Variants in FAP observed in about 807,000 individuals in gnomAD.
The protein encoded by FAP is fibroblast activation protein alpha.
A neutral mutation model predicts 126.5 loss-of-function variants in FAP; 110 were observed. The observed-to-expected ratio is 0.87, with a 90% CI of 0.74 to 1.02. The LOEUF is 1.02. Among genes scored for constraint, FAP ranks in the 50% least tolerant of loss-of-function variants. FAP has a pLI of 0.00. For synonymous variants in FAP, 334 were observed against 297.3 expected (o/e 1.12, Z -1.27); for missense variants, 919 against 909.2 (o/e 1.01, Z -0.14).
intron 9 of FAP, among the ~76,000 whole-genome samples, chr2:162,217,228 G>A (rs1391725287): frequency 6.6e-6 from 1 of 152,084 alleles, no homozygotes; most frequent in Non-Finnish European, 1.5e-5. Context: ...TATTCCCCTT[G>A]GCAAGTAAAA....
rs554270308 is a variant in FAP, at chr2:162,173,442, T to TGAGTG, written c.2035-226_2035-222dup. 1.4e-4 allele frequency among the ~76,000 whole-genome samples: 21 copies of TGAGTG among 152,112 alleles called. No individual in the cohort carries two copies. In the East Asian group the frequency reaches 3.7e-3, roughly 27 times the overall value. On this transcript the variant is annotated intron_variant, in intron 23 of 25. Transcript: ENST00000188790. Reference sequence around the variant, plus strand: ...AAGTTTATGTGTCATATGTTACATATGAGTGAGACCTTAGGCATAAATGAT... The same window carrying TGAGTG: ...AAGTTTATGTGTCATATGTTACATATGAGTGGAGTGAGACCTTAGGCATAAATGAT...
chr2:162,186,576 C>T (rs560168640), intron 20 of FAP, among the ~76,000 whole-genome samples: 6 of 151,984 alleles, frequency 3.9e-5, no homozygotes, highest in Admixed American at 6.6e-5. Context: ...TGGTGGGTTG[C>T]GATGATGACG....
chr2:162,202,988 G>A (rs1378103980), intron 13 of FAP, 46 bp from the exon 14 acceptor site: 1 of 1,598,598 alleles, frequency 6.3e-7, no homozygotes, highest in Non-Finnish European at 8.6e-7. Context: ...AGCGTTATTT[G>A]AGCAACCTCA....
chr2:162,210,018 C>A (rs181760422), intron 11 of FAP, 22 bp from the exon 12 acceptor site: 4 of 1,607,322 alleles, frequency 2.5e-6, no homozygotes, highest in Non-Finnish European at 3.4e-6. Context: ...AAGATCACAT[C>A]GAACATAGTA....
chr2:162,180,077 G>C (rs1406435602), intron 21 of FAP, among the ~76,000 whole-genome samples: 1 of 151,924 alleles, frequency 6.6e-6, no homozygotes, highest in Non-Finnish European at 1.5e-5. Context: ...AAAGTACTGG[G>C]ATTACAGGCA....
intron 15 of FAP, 46 bp from the exon 16 acceptor site, chr2:162,198,927 A>C: frequency 6.4e-7 from 1 of 1,556,550 alleles, no homozygotes; most frequent in South Asian, 1.1e-5. Context: ...TTGAGATTGT[A>C]TTTATCAAAA....
chr2:162,198,498 T>C (rs947073910), intron 16 of FAP: 9 of 686,324 alleles, frequency 1.3e-5, no homozygotes, highest in Non-Finnish European at 2.0e-5. Flanking sequence ...CTTGCTTCAG[T>C]CCTGGCTGAT....
chr2:162,219,683 G>A (rs927169822), intron 7 of FAP, among the ~76,000 whole-genome samples, 170 bp downstream of exon 7: 1 of 152,034 alleles, frequency 6.6e-6, no homozygotes, highest in Non-Finnish European at 1.5e-5. Flanking sequence ...GAGATTTTGC[G>A]GAATTCTCAG....
At chr2:162,173,664 T>C in intron 23 of FAP, 59 bp downstream of exon 23, 1 of 1,163,278 alleles carries the variant, frequency 8.6e-7, no homozygotes, top group South Asian at 1.3e-5. Flanking sequence ...ACTACTGCTT[T>C]TAAGTTATTT....
chr2:162,204,164 C>T (rs746075096), intron 12 of FAP, among the ~76,000 whole-genome samples: 2 of 152,196 alleles, frequency 1.3e-5, no homozygotes, highest in South Asian at 4.1e-4. Flanking sequence ...AAGACCTATC[C>T]TGGTGAGACC....
intron 25 of FAP, chr2:162,172,339 C>A (rs1687337743): frequency 6.5e-6 from 1 of 154,132 alleles, no homozygotes; most frequent in Admixed American, 6.4e-5. Context: ...CAGGTGTATG[C>A]CAGGGGATGA....
In FAP at chr2:162,179,708, A is replaced by G. The variant is rs112011096; in HGVS notation, c.1869+3706T>C. 3.1e-3 allele frequency among the ~76,000 whole-genome samples: 476 copies of G among 152,052 alleles called. 3 individuals are homozygous for G. The highest frequency in any genetic ancestry group is 0.011 in the African/African-American group (460 of 41,500). On this transcript the variant is annotated intron_variant, in intron 21 of 25. Transcript: ENST00000188790. ...TGGGGAATGGAAGAAGAGAATGGAC[A>G]TTGCAGATGCGAGAAATAGCATGTA...
intron 4 of FAP, among the ~76,000 whole-genome samples, chr2:162,225,027 C>T (rs2106285442): frequency 6.6e-6 from 1 of 152,256 alleles, no homozygotes; most frequent in East Asian, 1.9e-4. Flanking sequence ...TTATTAAGCA[C>T]TTATTCTATG....
At chr2:162,184,418 G>A (rs1379446786) in intron 20 of FAP, among the ~76,000 whole-genome samples, 2 of 152,222 alleles carry the variant, frequency 1.3e-5, no homozygotes, top group African/African-American at 4.8e-5. Flanking sequence ...TCTGGAAGTA[G>A]AACTGAGTGA....
rs535854571 is a variant in FAP at position 162,242,657 on chromosome 2, G to T, written c.91+251C>A. On this transcript the variant is annotated intron_variant, in intron 2 of 25. Transcript: ENST00000188790. The stretch of plus-strand genomic sequence containing the variant: ...ATATATTTTTGGGGGTTGTGGGGGT[G>T]ATGCAGCATAGTTCTTAGGTTTTTC... Among the ~76,000 whole-genome samples the T allele has an allele frequency of 3.9e-5, 6 of 152,256 alleles. No homozygotes were observed. In the South Asian group the frequency reaches 1.2e-3, roughly 32 times the overall value.
chr2:162,173,643 G>A lies in FAP; in HGVS notation c.2034+80C>T, dbSNP rs569700350. On this transcript the variant is annotated intron_variant, in intron 23 of 25. Coordinates refer to ENST00000188790, the MANE Select transcript of FAP (RefSeq NM_004460.5). ...TGCTTGGGGGCCCAGAATTAAAACTGTAAATTCTGAACTACTGCTTTTAAG... is the reference window on the plus strand; with the variant it reads ...TGCTTGGGGGCCCAGAATTAAAACTATAAATTCTGAACTACTGCTTTTAAG... The A allele has an allele frequency of 4.1e-5, 40 of 982,548 alleles. No homozygotes were observed. The African/African-American group carries it at 4.5e-4, about 11-fold the overall frequency. 60.9% of individuals were successfully genotyped at this position (982,548 alleles called of 1,614,324 possible). A position where few individuals can be genotyped will look rare whatever the true frequency, so the allele number is the denominator to read the frequency against.
Position 162,173,782 on chromosome 2 carries a change from C to T in FAP, c.1975G>A (p.Val659Ile). The stretch of plus-strand genomic sequence containing the variant: ...AGACCCATGAATCTCTCTGTGTAGA[C>T]AGACGCTATAAAATATATGAGAATA... ...PVSSWEYYAS[V>I]YTERFMGLPT... Residue 659 changes from valine to isoleucine, a missense_variant, in exon 23 of 26, where the codon GTC (valine) becomes ATC (isoleucine). Coordinates refer to ENST00000188790, the MANE Select transcript of FAP (RefSeq NM_004460.5). 1.3e-6 allele frequency: 2 copies of T among 1,595,476 alleles called. No homozygotes were observed. Among genetic ancestry groups the T allele is most frequent in the Non-Finnish European group, 1.7e-6 (2 of 1,163,496 alleles).
chr2:162,224,345 G>A (rs554947662), intron 5 of FAP, 121 bp downstream of exon 5: 9 of 617,826 alleles, frequency 1.5e-5, no homozygotes, highest in Non-Finnish European at 2.6e-5. Context: ...AAGATTATTG[G>A]TGACGAGGGC....
chr2:162,174,483 C>T (rs940200183), intron 22 of FAP, among the ~76,000 whole-genome samples: 2 of 152,110 alleles, frequency 1.3e-5, no homozygotes, highest in Non-Finnish European at 2.9e-5. Flanking sequence ...CTGGCAATTG[C>T]TAACTGTGGC....
Sources: allele counts gnomAD v4.1 joint callset (sites outside exome capture counted in the v4.1 genomes callset), GRCh38; gene constraint gnomAD v4.1.1; transcripts MANE v1.5; gene names NCBI Gene and HGNC (gene_info 2026-07-23, HGNC 2026-07-21).